Variants in NXPH1 observed in about 807,000 individuals in gnomAD.
The protein encoded by NXPH1 is neurexophilin 1.
NXPH1 carries 5 observed loss-of-function variants against 23.7 expected under a neutral mutation model. The ratio of observed to expected loss-of-function variants is 0.21; its 90% CI spans 0.11 to 0.44. NXPH1 has a LOEUF of 0.44. Ranked by LOEUF, NXPH1 falls within the 20% of genes least tolerant of loss-of-function variation. The pLI, the probability that NXPH1 is intolerant of heterozygous loss-of-function variation, is 0.99. For synonymous variants in NXPH1, 144 were observed against 122.2 expected (o/e 1.18, Z -1.18); for missense variants, 324 against 321.6 (o/e 1.01, Z -0.06).
chr7:8,735,252 C>A (rs1276469234), intron 2 of NXPH1, among the ~76,000 whole-genome samples: 1 of 152,116 alleles, frequency 6.6e-6, no homozygotes. Context: ...AGCTTGTGCC[C>A]ATTCAGTATG....
chr7:8,554,571 A>G (rs1035458040), intron 2 of NXPH1, among the ~76,000 whole-genome samples: 4 of 151,750 alleles, frequency 2.6e-5, no homozygotes, highest in Admixed American at 2.6e-4. Flanking sequence ...TATGTTCCAC[A>G]TACTTCCACA....
intron 2 of NXPH1, among the ~76,000 whole-genome samples, chr7:8,498,535 G>A (rs763535357): frequency 5.3e-5 from 8 of 152,050 alleles, no homozygotes; most frequent in Non-Finnish European, 7.4e-5. Context: ...ATTTCAGGAT[G>A]AGATTGATTG....
chr7:8,678,248 T>C (rs2115174379), intron 2 of NXPH1, among the ~76,000 whole-genome samples: 1 of 152,336 alleles, frequency 6.6e-6, no homozygotes, highest in East Asian at 1.9e-4. Flanking sequence ...AGAAGCAGGT[T>C]ATGCCAGCCG....
intron 2 of NXPH1, among the ~76,000 whole-genome samples, chr7:8,458,534 G>A (rs904790795): frequency 6.6e-6 from 1 of 152,170 alleles, no homozygotes; most frequent in Non-Finnish European, 1.5e-5. Flanking sequence ...GAGTGATGAA[G>A]TGACTAATTC....
At chr7:8,707,710 A>G (rs1779726000) in intron 2 of NXPH1, among the ~76,000 whole-genome samples, 1 of 152,136 alleles carries the variant, frequency 6.6e-6, no homozygotes, top group South Asian at 2.1e-4. Context: ...TCAAAGGCCT[A>G]ACTCTAGGAT....
intron 2 of NXPH1, among the ~76,000 whole-genome samples, chr7:8,481,647 C>T (rs975319857): frequency 6.6e-6 from 1 of 152,092 alleles, no homozygotes; most frequent in African/African-American, 2.4e-5. Flanking sequence ...CTTTATCTTG[C>T]TTTAATAACT....
chr7:8,516,038 G>A (rs983884936), intron 2 of NXPH1, among the ~76,000 whole-genome samples: 3 of 151,968 alleles, frequency 2.0e-5, no homozygotes, highest in Non-Finnish European at 4.4e-5. Context: ...CCAAACCTTC[G>A]ATTTGATTGT....
intron 2 of NXPH1, among the ~76,000 whole-genome samples, chr7:8,458,549 T>A (rs1003429765): frequency 2.0e-5 from 3 of 152,204 alleles, no homozygotes; most frequent in African/African-American, 7.2e-5. Flanking sequence ...TAATTCAAGA[T>A]CACATAGCTA....
At chr7:8,746,407 C>T (rs1780470821) in intron 2 of NXPH1, among the ~76,000 whole-genome samples, 1 of 152,174 alleles carries the variant, frequency 6.6e-6, no homozygotes, top group African/African-American at 2.4e-5. Context: ...TGACTGTCAG[C>T]ACCACTTGAA....
At chr7:8,683,435 A>G (rs563771400) in intron 2 of NXPH1, among the ~76,000 whole-genome samples, 1 of 152,248 alleles carries the variant, frequency 6.6e-6, no homozygotes, top group Non-Finnish European at 1.5e-5. Context: ...AAAGTTTCCC[A>G]AAATCAAATT....
intron 2 of NXPH1, among the ~76,000 whole-genome samples, chr7:8,575,616 T>A (rs1308165034): frequency 6.6e-6 from 1 of 152,200 alleles, no homozygotes; most frequent in Non-Finnish European, 1.5e-5. Flanking sequence ...ATATTTTCAA[T>A]GTGAATAGAT....
chr7:8,471,320 G>A, intron 2 of NXPH1, among the ~76,000 whole-genome samples: 1 of 152,124 alleles, frequency 6.6e-6, no homozygotes, highest in South Asian at 2.1e-4. Context: ...CACTCTGAGG[G>A]GAAGGATTTG....
intron 2 of NXPH1, among the ~76,000 whole-genome samples, chr7:8,526,095 C>T (rs1000409907): frequency 1.3e-5 from 2 of 152,186 alleles, no homozygotes; most frequent in Non-Finnish European, 2.9e-5. Context: ...CTGTATCCTG[C>T]AAAGCCATGG....
At chr7:8,557,776 A>G (rs566518218) in intron 2 of NXPH1, among the ~76,000 whole-genome samples, 1 of 151,668 alleles carries the variant, frequency 6.6e-6, no homozygotes, top group Non-Finnish European at 1.5e-5. Flanking sequence ...AGCGACATAA[A>G]CTGCTCAGCT....
At chr7:8,656,299 T>C (rs556284141) in intron 2 of NXPH1, among the ~76,000 whole-genome samples, 2 of 152,340 alleles carry the variant, frequency 1.3e-5, no homozygotes, top group South Asian at 4.1e-4. Context: ...GTAATATTTG[T>C]AGAATAAATG....
chr7:8,456,760 T>G (rs1398803977), intron 2 of NXPH1, among the ~76,000 whole-genome samples: 1 of 152,228 alleles, frequency 6.6e-6, no homozygotes. Context: ...AACACATTTT[T>G]GACTTTATGA....
intron 2 of NXPH1, among the ~76,000 whole-genome samples, chr7:8,649,478 A>G (rs1245126447): frequency 1.3e-5 from 2 of 152,124 alleles, no homozygotes; most frequent in Non-Finnish European, 2.9e-5. Context: ...ACTCTTACAC[A>G]CACATCCAAA....
chr7:8,447,294 C>A (rs1816422061), intron 2 of NXPH1, among the ~76,000 whole-genome samples: 1 of 152,140 alleles, frequency 6.6e-6, no homozygotes, highest in African/African-American at 2.4e-5. Flanking sequence ...CACCAGGGCA[C>A]CATCATTTAC....
At chr7:8,679,725 A>T (rs1821021849) in intron 2 of NXPH1, among the ~76,000 whole-genome samples, 1 of 152,318 alleles carries the variant, frequency 6.6e-6, no homozygotes, top group Middle Eastern at 3.4e-3. Flanking sequence ...CACTCTCTTC[A>T]TTAAGATTTA....
Sources: gnomAD v4.1 joint callset for allele counts (sites outside exome capture counted in the v4.1 genomes callset) on GRCh38, gnomAD v4.1.1 for gene constraint, MANE v1.5 for transcripts, NCBI Gene and HGNC (gene_info 2026-07-23, HGNC 2026-07-21) for gene names.